Variants in SMARCC1 observed in about 807,000 individuals in gnomAD.
SMARCC1 encodes SWI/SNF related BAF chromatin remodeling complex subunit C1, also known as SWI/SNF complex subunit SMARCC1.
In SMARCC1, 43 loss-of-function variants were observed where a neutral mutation model predicts 147.4. That is an observed-to-expected ratio of 0.29 (90% confidence interval 0.23 to 0.38). The LOEUF is 0.38. SMARCC1 is among the 10% of genes least tolerant of loss of function. The probability of loss-of-function intolerance (pLI) is 1.00; values close to 1 mark genes in which losing one functional copy is unlikely to be tolerated. For missense variants in SMARCC1, 1,119 were observed against 1,381.1 expected (o/e 0.81, Z 3.01); for synonymous variants, 495 against 484.4 (o/e 1.02, Z -0.29).
chr3:47,643,556 C>T (rs976832395), intron 21 of SMARCC1, among the ~76,000 whole-genome samples: 1 of 151,930 alleles, frequency 6.6e-6, no homozygotes, highest in African/African-American at 2.4e-5. Flanking sequence ...TCTCAGAAGT[C>T]TGACACGGTC....
At chr3:47,645,828 A>G (rs992123894) in intron 21 of SMARCC1, among the ~76,000 whole-genome samples, 2 of 152,242 alleles carry the variant, frequency 1.3e-5, no homozygotes, top group Non-Finnish European at 2.9e-5. Flanking sequence ...TTTGAAATCA[A>G]TTCTTTAATT....
At chr3:47,661,740 T>G (rs956711046) in intron 20 of SMARCC1, among the ~76,000 whole-genome samples, 1 of 152,082 alleles carries the variant, frequency 6.6e-6, no homozygotes, top group Non-Finnish European at 1.5e-5. Flanking sequence ...CTGTCCATAT[T>G]TTAACTGCTT....
At chr3:47,599,988 T>C (rs901504807) in intron 26 of SMARCC1, among the ~76,000 whole-genome samples, 1 of 152,208 alleles carries the variant, frequency 6.6e-6, no homozygotes, top group African/African-American at 2.4e-5. Context: ...CATTTACCTA[T>C]TACCCTACAT....
intron 11 of SMARCC1, 105 bp downstream of exon 11, chr3:47,701,173 T>C: frequency 1.1e-6 from 1 of 882,968 alleles, no homozygotes; most frequent in Non-Finnish European, 1.8e-6. Context: ...CTATTCATAC[T>C]TGAAAGTCGA....
rs1275672994 is a variant in SMARCC1 at position 47,673,397 on chromosome 3, G to GC, written c.1839+2077_1839+2078insG. On this transcript the variant is annotated intron_variant, in intron 18 of 27. Transcript: ENST00000254480. ...CGAGACTCTGTCTCAAAAAAAAAAG[G>GC]GTGGGGGGGGGGCAGGCCAGTGGCT... 1.6e-4 allele frequency among the ~76,000 whole-genome samples: 21 copies of GC among 131,570 alleles called. 5 individuals carry two copies. Among genetic ancestry groups the GC allele is most frequent in the Non-Finnish European group, 2.1e-4 (13 of 60,810 alleles). 86.3% of individuals were successfully genotyped at this position (131,570 alleles called of 152,430 possible).
chr3:47,726,045 G>C (rs988087409), intron 6 of SMARCC1, among the ~76,000 whole-genome samples: 4 of 86,946 alleles, frequency 4.6e-5, no homozygotes, highest in African/African-American at 1.1e-4. Context: ...CTGGGTAGAA[G>C]AGTGAGACTC....
intron 6 of SMARCC1, among the ~76,000 whole-genome samples, chr3:47,723,603 AG>A (rs2106813918): frequency 6.6e-6 from 1 of 152,266 alleles, no homozygotes; most frequent in African/African-American, 2.4e-5. Context: ...ACCTGAGGTC[AG>A]TAGTTTGAGA....
At chr3:47,610,636 G>T (rs965324469) in intron 25 of SMARCC1, 6 of 360,382 alleles carry the variant, frequency 1.7e-5, no homozygotes, top group Non-Finnish European at 3.1e-5. Context: ...TCTATGTTTG[G>T]CAGGCCTTTA....
At chr3:47,774,031 C>T (rs1042974906) in intron 1 of SMARCC1, among the ~76,000 whole-genome samples, 16 of 151,472 alleles carry the variant, frequency 1.1e-4, no homozygotes, top group Admixed American at 2.6e-4. Context: ...TTTTTTTTGC[C>T]GGAGCTAACT....
chr3:47,683,192 G>A (rs937413707), intron 14 of SMARCC1, among the ~76,000 whole-genome samples: 1 of 152,012 alleles, frequency 6.6e-6, no homozygotes, highest in Non-Finnish European at 1.5e-5. Context: ...ACACGCGCCC[G>A]CCACCACGCC....
At chr3:47,601,853 C>T (rs1257891556) in intron 26 of SMARCC1, 1 of 152,168 alleles carries the variant, frequency 6.6e-6, no homozygotes, top group Non-Finnish European at 1.5e-5. Flanking sequence ...TTGCCTGCCA[C>T]CACACCCGGC....
At chr3:47,731,098 ACAG>A (rs2034369145) in intron 5 of SMARCC1, among the ~76,000 whole-genome samples, 1 of 152,172 alleles carries the variant, frequency 6.6e-6, no homozygotes, top group African/African-American at 2.4e-5. Context: ...CATTTTACAC[ACAG>A]CAGAATTTCT....
chr3:47,757,280 A>G (rs2034711252), intron 2 of SMARCC1, among the ~76,000 whole-genome samples: 1 of 151,984 alleles, frequency 6.6e-6, no homozygotes, highest in African/African-American at 2.4e-5. Context: ...GAGAGAGAGA[A>G]AGACCAATGT....
chr3:47,753,677 A>G (rs966168055), intron 2 of SMARCC1, among the ~76,000 whole-genome samples: 3 of 132,164 alleles, frequency 2.3e-5, no homozygotes, highest in African/African-American at 8.5e-5. Flanking sequence ...GCGCCACTGC[A>G]CTCCAGTCTG....
chr3:47,781,701 G>T lies in SMARCC1; in HGVS notation c.97C>A (p.Arg33=). The change falls in exon 1 of 28, where the codon CGG becomes AGG. Residue 33 remains arginine (R), a synonymous_variant. Coordinates refer to ENST00000254480, the MANE Select transcript of SMARCC1 (RefSeq NM_003074.4). ...AAAAGLAVYR[R]KDGGPATKFW... is the part of the protein sequence containing the mutation. ...TTGGTGGCCGGGCCCCCATCCTTCC[G>T]TCGATAAACAGCTAGGCCTGCGGCT... 1 of 1,562,702 alleles carries T rather than the reference G, an allele frequency of 6.4e-7. No individual in the cohort carries two copies. Among genetic ancestry groups the T allele is most frequent in the Non-Finnish European group, 8.6e-7 (1 of 1,158,306 alleles).
At chr3:47,653,236 C>G (rs894705740) in intron 21 of SMARCC1, among the ~76,000 whole-genome samples, 1 of 152,194 alleles carries the variant, frequency 6.6e-6, no homozygotes, top group African/African-American at 2.4e-5. Flanking sequence ...GGATTACAGG[C>G]GTGAGCCACG....
intron 4 of SMARCC1, among the ~76,000 whole-genome samples, chr3:47,737,779 C>A (rs1364692363): frequency 6.6e-6 from 1 of 151,964 alleles, no homozygotes; most frequent in Non-Finnish European, 1.5e-5. Flanking sequence ...CCTCAGCCAC[C>A]AGAGTAGCTG....
At chr3:47,665,821 A>G (rs2106742037) in intron 19 of SMARCC1, among the ~76,000 whole-genome samples, 1 of 151,646 alleles carries the variant, frequency 6.6e-6, no homozygotes, top group African/African-American at 2.4e-5. Context: ...GGTCTTCATC[A>G]TTACTTAACC....
intron 24 of SMARCC1, among the ~76,000 whole-genome samples, chr3:47,634,163 C>T (rs2032937440): frequency 6.6e-6 from 1 of 152,052 alleles, no homozygotes. Flanking sequence ...GGAAGTATTA[C>T]CTAGTTTTAG....
Sources: allele counts gnomAD v4.1 joint callset (sites outside exome capture counted in the v4.1 genomes callset), GRCh38; gene constraint gnomAD v4.1.1; transcripts MANE v1.5; gene names NCBI Gene and HGNC (gene_info 2026-07-23, HGNC 2026-07-21).